The following PDE7B variants were observed in gnomAD, a reference collection of about 807,000 sequenced individuals.
PDE7B encodes phosphodiesterase 7B.
Under a neutral mutation model 56.2 loss-of-function variants are expected in PDE7B, and 29 were observed. The observed-to-expected ratio is 0.52, with a 90% confidence interval of 0.38 to 0.70. PDE7B has a LOEUF of 0.70. Ranked by LOEUF, PDE7B falls within the 30% of genes least tolerant of loss-of-function variation. PDE7B has a pLI of 0.00. For synonymous variants in PDE7B, 197 were observed against 196.9 expected, an observed-to-expected ratio of 1.00 and a Z score of 0.00; for missense variants, 490 against 565.0, an observed-to-expected ratio of 0.87 and a Z score of 1.35.
At chr6:136,105,487 A>G (rs1211400622) in intron 2 of PDE7B, among the ~76,000 whole-genome samples, 2 of 152,162 alleles carry the variant, frequency 1.3e-5, no homozygotes, top group African/African-American at 2.4e-5. Flanking sequence ...AAGCTGTCAA[A>G]TAATAATAAT....
At chr6:135,882,648 G>A (rs894598603) in intron 1 of PDE7B, among the ~76,000 whole-genome samples, 2 of 152,162 alleles carry the variant, frequency 1.3e-5, no homozygotes, top group Non-Finnish European at 2.9e-5. Context: ...GAAAATAAAG[G>A]TGATGATGAT....
intron 2 of PDE7B, among the ~76,000 whole-genome samples, chr6:136,052,625 C>CA (rs1417269511): frequency 6.8e-6 from 1 of 147,342 alleles, no homozygotes; most frequent in Non-Finnish European, 1.5e-5. Flanking sequence ...CAGCCCCCCC[C>CA]CACCCACAGC....
At chr6:136,006,509 G>T (rs372478533) in intron 2 of PDE7B, among the ~76,000 whole-genome samples, 1 of 152,054 alleles carries the variant, frequency 6.6e-6, no homozygotes, top group Non-Finnish European at 1.5e-5. Flanking sequence ...GGGAAGCATG[G>T]CCATTTCAAT....
intron 9 of PDE7B, 70 bp from the exon 10 acceptor site, chr6:136,178,927 T>C: frequency 6.6e-7 from 1 of 1,523,278 alleles, no homozygotes; most frequent in South Asian, 1.1e-5. Context: ...CTGATGATGA[T>C]AAAATCAATC....
At chr6:136,018,441 A>C (rs1776014904) in intron 2 of PDE7B, among the ~76,000 whole-genome samples, 1 of 152,204 alleles carries the variant, frequency 6.6e-6, no homozygotes, top group Non-Finnish European at 1.5e-5. Context: ...ATTAGAGCTA[A>C]CCCGATTCAA....
intron 3 of PDE7B, among the ~76,000 whole-genome samples, chr6:136,140,818 A>T (rs1045734209): frequency 1.3e-5 from 2 of 152,124 alleles, no homozygotes; most frequent in African/African-American, 4.8e-5. Flanking sequence ...TTGATTTTGT[A>T]TCCTGAGACT....
intron 2 of PDE7B, among the ~76,000 whole-genome samples, chr6:136,055,014 T>C (rs1281809933): frequency 6.6e-6 from 1 of 152,150 alleles, no homozygotes; most frequent in Non-Finnish European, 1.5e-5. Flanking sequence ...CAATTCAAGG[T>C]GAGAGCCAAA....
At chr6:135,988,078 T>C (rs1394443113) in intron 2 of PDE7B, among the ~76,000 whole-genome samples, 2 of 152,138 alleles carry the variant, frequency 1.3e-5, no homozygotes, top group Non-Finnish European at 2.9e-5. Context: ...AAAAGCAGAA[T>C]GGTATTTAGA....
chr6:135,876,621 G>A (rs1275399732), intron 1 of PDE7B, among the ~76,000 whole-genome samples: 2 of 152,152 alleles, frequency 1.3e-5, no homozygotes, highest in Non-Finnish European at 2.9e-5. Flanking sequence ...CACTTTGGGA[G>A]GCTGAGGCAG....
intron 1 of PDE7B, among the ~76,000 whole-genome samples, chr6:135,942,534 T>C (rs1774522962): frequency 6.6e-6 from 1 of 152,174 alleles, no homozygotes; most frequent in South Asian, 2.1e-4. Flanking sequence ...TTTGCAAATA[T>C]ACAATACATT....
chr6:136,101,186 T>C (rs1777555312), intron 2 of PDE7B, among the ~76,000 whole-genome samples: 1 of 152,242 alleles, frequency 6.6e-6, no homozygotes, highest in South Asian at 2.1e-4. Flanking sequence ...TTTAGGATTT[T>C]TGCATCAATG....
intron 2 of PDE7B, among the ~76,000 whole-genome samples, chr6:136,084,125 G>A (rs963780008): frequency 1.3e-5 from 2 of 151,956 alleles, no homozygotes; most frequent in Admixed American, 6.5e-5. Flanking sequence ...AAATCATTTC[G>A]ATCATTTCAA....
At chr6:135,989,465 T>C (rs897055097) in intron 2 of PDE7B, among the ~76,000 whole-genome samples, 1 of 151,948 alleles carries the variant, frequency 6.6e-6, no homozygotes, top group Non-Finnish European at 1.5e-5. Context: ...AATACAAAAA[T>C]TAGCTGGGCA....
At chr6:135,862,188 T>C (rs1005384821) in intron 1 of PDE7B, among the ~76,000 whole-genome samples, 5 of 151,856 alleles carry the variant, frequency 3.3e-5, no homozygotes, top group Non-Finnish European at 7.4e-5. Flanking sequence ...AAGAAAGCTT[T>C]CAACATTCTA....
intron 2 of PDE7B, among the ~76,000 whole-genome samples, chr6:135,967,715 A>G (rs7741005): frequency 0.013 from 1,994 of 152,302 alleles, 30 homozygotes; most frequent in Middle Eastern, 0.041. Context: ...AGGATACTAA[A>G]TGGTTTGGCT....
At chr6:136,075,979 T>G (rs1410138080) in intron 2 of PDE7B, among the ~76,000 whole-genome samples, 1 of 152,212 alleles carries the variant, frequency 6.6e-6, no homozygotes, top group Non-Finnish European at 1.5e-5. Context: ...GTAGGTTGAA[T>G]ATACCTGCTT....
At chr6:135,878,076 A>C (rs977497928) in intron 1 of PDE7B, among the ~76,000 whole-genome samples, 2 of 152,190 alleles carry the variant, frequency 1.3e-5, no homozygotes, top group African/African-American at 4.8e-5. Context: ...GTTCCAAGTC[A>C]AAGGGAATAC....
intron 1 of PDE7B, among the ~76,000 whole-genome samples, chr6:135,879,718 T>G (rs1390517846): frequency 2.0e-5 from 3 of 152,150 alleles, no homozygotes. Flanking sequence ...TGAAACAGCC[T>G]AAGAATGATA....
chr6:135,927,711 G>A (rs942991684), intron 1 of PDE7B, among the ~76,000 whole-genome samples: 1 of 152,066 alleles, frequency 6.6e-6, no homozygotes, highest in Non-Finnish European at 1.5e-5. Context: ...ATACCATTCT[G>A]GCATTACATT....
Sources: allele counts gnomAD v4.1 joint callset (sites outside exome capture counted in the v4.1 genomes callset), GRCh38; gene constraint gnomAD v4.1.1; transcripts MANE v1.5; gene names NCBI Gene and HGNC (gene_info 2026-07-23, HGNC 2026-07-21).